Variants in TEC observed in about 807,000 individuals in gnomAD.
TEC encodes the protein tyrosine-protein kinase Tec.
Under a neutral mutation model 93.0 loss-of-function variants are expected in TEC, and 72 were observed. The observed-to-expected ratio is 0.77, with a 90% CI of 0.64 to 0.94. The LOEUF (loss-of-function observed/expected upper bound fraction) is 0.94, where lower values mean the gene tolerates loss of function less well. Among genes scored for constraint, TEC ranks in the 40% least tolerant of loss-of-function variants. The pLI is 0.00. For synonymous variants in TEC, 249 were observed against 247.7 expected, an observed-to-expected ratio of 1.01 and a Z score of -0.05; for missense variants, 630 against 757.9, an observed-to-expected ratio of 0.83 and a Z score of 1.98.
intron 2 of TEC, among the ~76,000 whole-genome samples, chr4:48,190,606 A>T (rs963105604): frequency 6.6e-6 from 1 of 152,214 alleles, no homozygotes; most frequent in African/African-American, 2.4e-5. Flanking sequence ...GTTATTTAAA[A>T]TTTGAGGCAA....
Position 48,225,831 on chromosome 4 carries a change from G to C in TEC, c.138+2646C>G, listed in dbSNP as rs537864742. On this transcript the variant is annotated intron_variant, in intron 2 of 17. Coordinates refer to ENST00000381501, the MANE Select transcript of TEC (RefSeq NM_003215.3). Reference sequence around the variant, plus strand: ...CAGTGAATGTTGGTCCATGAGAGAAGAAACCAGAAGGGATCAAAACGCCCA... The same window carrying C: ...CAGTGAATGTTGGTCCATGAGAGAACAAACCAGAAGGGATCAAAACGCCCA... Among the ~76,000 whole-genome samples, 114 of 152,004 alleles carry C rather than the reference G, an allele frequency of 7.5e-4. 1 individual carries two copies. The highest frequency in any genetic ancestry group is 1.1e-3 in the Non-Finnish European group (73 of 67,990).
intron 8 of TEC, among the ~76,000 whole-genome samples, chr4:48,160,237 G>A (rs1720571610): frequency 6.6e-6 from 1 of 152,174 alleles, no homozygotes; most frequent in South Asian, 2.1e-4. Context: ...CAAAGCCTGT[G>A]CAGTGCTAAA....
At chr4:48,196,886 T>C (rs1248252235) in intron 2 of TEC, among the ~76,000 whole-genome samples, 1 of 152,174 alleles carries the variant, frequency 6.6e-6, no homozygotes. Flanking sequence ...TTTTTACCCT[T>C]CGAGGCTGTT....
At chr4:48,211,417 AT>A (rs11410267) in intron 2 of TEC, among the ~76,000 whole-genome samples, 4 of 150,286 alleles carry the variant, frequency 2.7e-5, no homozygotes, top group African/African-American at 1.0e-4. Flanking sequence ...TTCAAAAAAA[AT>A]TTTTTTAATT....
At chr4:48,212,965 A>G (rs973424148) in intron 2 of TEC, among the ~76,000 whole-genome samples, 7 of 152,254 alleles carry the variant, frequency 4.6e-5, no homozygotes, top group African/African-American at 1.4e-4. Context: ...GAAGAAAGTA[A>G]AACAAATGAG....
chr4:48,160,467 C>A (rs143501910), intron 8 of TEC, among the ~76,000 whole-genome samples: 24 of 152,242 alleles, frequency 1.6e-4, no homozygotes, highest in Non-Finnish European at 2.5e-4. Context: ...TGGCTCACGT[C>A]TGTAATGCCA....
intron 9 of TEC, among the ~76,000 whole-genome samples, chr4:48,154,232 G>T (rs1720303216): frequency 6.6e-6 from 1 of 152,154 alleles, no homozygotes; most frequent in Non-Finnish European, 1.5e-5. Flanking sequence ...AATGAAACTA[G>T]TTTTTAAATT....
chr4:48,193,890 G>C (rs985166688), intron 2 of TEC, among the ~76,000 whole-genome samples: 1 of 152,044 alleles, frequency 6.6e-6, no homozygotes, highest in Non-Finnish European at 1.5e-5. Flanking sequence ...TAAGTTTCTG[G>C]TGGGTGAGAG....
intron 1 of TEC, among the ~76,000 whole-genome samples, chr4:48,265,180 C>T (rs1724600508): frequency 6.6e-6 from 1 of 151,868 alleles, no homozygotes. Flanking sequence ...AAGAAATAGA[C>T]ACACAAACCA....
At chr4:48,261,870 C>T (rs1187445216) in intron 1 of TEC, among the ~76,000 whole-genome samples, 1 of 152,080 alleles carries the variant, frequency 6.6e-6, no homozygotes, top group African/African-American at 2.4e-5. Context: ...CCTTTAGAAA[C>T]ATAAAACTGA....
At chr4:48,195,872 G>A (rs1048189056) in intron 2 of TEC, among the ~76,000 whole-genome samples, 3 of 152,170 alleles carry the variant, frequency 2.0e-5, no homozygotes. Flanking sequence ...GCCATTCTGA[G>A]AGATGCCCCC....
chr4:48,153,978 G>C (rs1433489357), intron 9 of TEC, among the ~76,000 whole-genome samples: 1 of 152,154 alleles, frequency 6.6e-6, no homozygotes, highest in Non-Finnish European at 1.5e-5. Flanking sequence ...TTAAGAATGA[G>C]GTAAACCATC....
intron 2 of TEC, among the ~76,000 whole-genome samples, chr4:48,193,015 A>G (rs1382028094): frequency 1.3e-5 from 2 of 152,080 alleles, no homozygotes; most frequent in African/African-American, 4.8e-5. Context: ...GGTGCCCAAT[A>G]ACTTTGTTGA....
intron 1 of TEC, among the ~76,000 whole-genome samples, chr4:48,261,505 A>C (rs1724495780): frequency 6.6e-6 from 1 of 152,228 alleles, no homozygotes. Flanking sequence ...AAATCCCACA[A>C]GTCGTGGTTG....
At chr4:48,224,909 T>TCATAATGAACTGAGAGTTCATAATG (rs1468231826) in intron 2 of TEC, among the ~76,000 whole-genome samples, 3 of 152,166 alleles carry the variant, frequency 2.0e-5, no homozygotes, top group Non-Finnish European at 4.4e-5. Context: ...AACTGAGAGT[T>TCATAATGAACTGAGAGTTCATAATG]TTAACGAGTA....
At chr4:48,145,355 A>C (rs186910442) in intron 13 of TEC, 53 bp downstream of exon 13, 9 of 1,611,452 alleles carry the variant, frequency 5.6e-6, no homozygotes, top group Middle Eastern at 1.7e-4. Context: ...GTTTTTGGTA[A>C]GGGGCCACTT....
chr4:48,254,672 G>A (rs1288464554), intron 1 of TEC, among the ~76,000 whole-genome samples: 1 of 152,266 alleles, frequency 6.6e-6, no homozygotes, highest in Non-Finnish European at 1.5e-5. Context: ...GCATTCAATA[G>A]TCTTTGATCA....
At chr4:48,146,031 C>T (rs1056683930) in intron 12 of TEC, among the ~76,000 whole-genome samples, 45 of 152,140 alleles carry the variant, frequency 3.0e-4, no homozygotes, top group African/African-American at 9.9e-4. Context: ...TCCTTACTCA[C>T]GTTCTTGTAG....
At chr4:48,245,620 A>C (rs1361514416) in intron 1 of TEC, among the ~76,000 whole-genome samples, 2 of 152,264 alleles carry the variant, frequency 1.3e-5, no homozygotes, top group Non-Finnish European at 2.9e-5. Flanking sequence ...TTAATCGCTA[A>C]AACATTAAAA....
Sources: allele counts gnomAD v4.1 joint callset (sites outside exome capture counted in the v4.1 genomes callset), GRCh38; gene constraint gnomAD v4.1.1; transcripts MANE v1.5; gene names NCBI Gene and HGNC (gene_info 2026-07-23, HGNC 2026-07-21).